GRM1: variants seen among roughly 807,000 people sequenced by gnomAD.
GRM1 encodes the protein glutamate metabotropic receptor 1.
GRM1 carries 33 observed loss-of-function variants against 90.9 expected under a neutral mutation model. That is an observed-to-expected ratio of 0.36 (90% confidence interval 0.28 to 0.49). GRM1 has a LOEUF of 0.49. GRM1 is among the 20% of genes least tolerant of loss of function. The pLI, the probability that GRM1 is intolerant of heterozygous loss-of-function variation, is 0.99. For synonymous variants in GRM1, 700 were observed against 613.2 expected, an observed-to-expected ratio of 1.14 and a Z score of -2.09; for missense variants, 1,190 against 1,534.3, an observed-to-expected ratio of 0.78 and a Z score of 3.75.
chr6:146,094,386 TGGAACTGA>T (rs1481796622), intron 1 of GRM1, among the ~76,000 whole-genome samples: 1 of 152,108 alleles, frequency 6.6e-6, no homozygotes, highest in Non-Finnish European at 1.5e-5. Context: ...TACATTAACA[TGGAACTGA>T]GGCCTTACAA....
At chr6:146,213,685 T>C (rs1163691608) in intron 2 of GRM1, among the ~76,000 whole-genome samples, 3 of 74,938 alleles carry the variant, frequency 4.0e-5, no homozygotes, top group Non-Finnish European at 8.0e-5. Context: ...ATGGAAAGAT[T>C]AGATAGATAG....
At chr6:146,231,980 G>A (rs1780466060) in intron 2 of GRM1, among the ~76,000 whole-genome samples, 1 of 152,080 alleles carries the variant, frequency 6.6e-6, no homozygotes, top group Admixed American at 6.6e-5. Flanking sequence ...GAAAGTTAGT[G>A]TAGAATTGGT....
At chr6:146,208,014 A>G (rs1292728832) in intron 2 of GRM1, among the ~76,000 whole-genome samples, 1 of 152,082 alleles carries the variant, frequency 6.6e-6, no homozygotes, top group African/African-American at 2.4e-5. Flanking sequence ...TCTCTCTTTC[A>G]TACACAACAA....
chr6:146,131,456 C>A (rs933464079), intron 1 of GRM1, among the ~76,000 whole-genome samples: 3 of 151,150 alleles, frequency 2.0e-5, no homozygotes, highest in African/African-American at 7.3e-5. Context: ...ATAAAATAAT[C>A]TCTAAGTCTC....
chr6:146,334,997 T>C (rs1784719447), intron 3 of GRM1, among the ~76,000 whole-genome samples: 1 of 152,154 alleles, frequency 6.6e-6, no homozygotes, highest in Admixed American at 6.6e-5. Context: ...CAAAATTTAA[T>C]GAGAAAAAAT....
At chr6:146,344,855 A>T (rs1785116233) in intron 3 of GRM1, among the ~76,000 whole-genome samples, 1 of 151,744 alleles carries the variant, frequency 6.6e-6, no homozygotes. Flanking sequence ...CTTGTTGCCC[A>T]GGCTGGAGTG....
chr6:146,366,074 A>AGTAGCGTGTCATTTATTTTCC (rs1775675224), intron 5 of GRM1, among the ~76,000 whole-genome samples: 1 of 152,122 alleles, frequency 6.6e-6, no homozygotes, highest in Non-Finnish European at 1.5e-5. Flanking sequence ...TGTTTTGTTC[A>AGTAGCGTGTCATTTATTTTCC]CTGATTATTT....
intron 1 of GRM1, among the ~76,000 whole-genome samples, chr6:146,074,125 A>G (rs2128859904): frequency 6.6e-6 from 1 of 152,202 alleles, no homozygotes; most frequent in South Asian, 2.1e-4. Flanking sequence ...TGCTTAACAT[A>G]GGAGGTCATT....
chr6:146,393,295 C>CT (rs1301602902), intron 6 of GRM1, among the ~76,000 whole-genome samples: 1 of 152,070 alleles, frequency 6.6e-6, no homozygotes, highest in Admixed American at 6.6e-5. Context: ...TGATGATGAG[C>CT]TTTTTTTCAT....
At chr6:146,038,467 A>T (rs1790972530) in intron 1 of GRM1, among the ~76,000 whole-genome samples, 1 of 152,026 alleles carries the variant, frequency 6.6e-6, no homozygotes, top group Non-Finnish European at 1.5e-5. Flanking sequence ...GGCTAGGTAG[A>T]TGTAATAGAT....
chr6:146,089,795 T>C (rs1776657271), intron 1 of GRM1, among the ~76,000 whole-genome samples: 1 of 152,012 alleles, frequency 6.6e-6, no homozygotes, highest in South Asian at 2.1e-4. Context: ...CTAATAGAGG[T>C]TTATAAATCC....
Position 146,433,874 on chromosome 6 carries a change from C to A in GRM1, c.2663C>A (p.Ser888Tyr). ...ATCCATCTCTATTTTATTCATAGTT[C>A]TAATGGCAAGTCTGTGTCATGGTCT... is the stretch of plus-strand genomic sequence containing the variant. ...RKKAGAGNAN[S>Y]NGKSVSWSEP... The change falls in exon 8 of 8, where the codon TCT becomes TAT. Residue 888 changes from serine (S) to tyrosine (Y), a missense_variant and splice_region_variant. Ser to Tyr is a moderately radical substitution (Grantham distance 144). Around this residue, in one of 10 missense-constraint regions of GRM1, gnomAD observed 400 missense variants for 360.8 expected, o/e 1.11. Coordinates refer to ENST00000282753, the MANE Select transcript of GRM1 (RefSeq NM_001278064.2). The A allele has an allele frequency of 6.2e-7, 1 of 1,603,718 alleles. No individual in the cohort carries two copies. Among genetic ancestry groups the A allele is most frequent in the South Asian group, 1.1e-5 (1 of 90,838 alleles).
chr6:146,175,946 C>T (rs1004747041), intron 2 of GRM1, among the ~76,000 whole-genome samples: 1 of 151,946 alleles, frequency 6.6e-6, no homozygotes, highest in African/African-American at 2.4e-5. Flanking sequence ...AACCTCTAAC[C>T]CTCTTTCCTC....
intron 3 of GRM1, among the ~76,000 whole-genome samples, chr6:146,329,195 A>G (rs773467139): frequency 4.6e-5 from 7 of 152,222 alleles, no homozygotes; most frequent in Non-Finnish European, 8.8e-5. Flanking sequence ...AAGCACAATG[A>G]AAAGGTGAGT....
chr6:146,156,862 G>A (rs998981899), intron 1 of GRM1, among the ~76,000 whole-genome samples: 10 of 152,168 alleles, frequency 6.6e-5, no homozygotes, highest in Non-Finnish European at 1.2e-4. Flanking sequence ...CTCAAATTTT[G>A]TTATTGCACA....
chr6:146,103,989 C>A (rs1448572656), intron 1 of GRM1, among the ~76,000 whole-genome samples: 6 of 152,140 alleles, frequency 3.9e-5, no homozygotes, highest in African/African-American at 1.2e-4. Context: ...GATCTGAATT[C>A]TCTTTCCTAG....
In GRM1 at chr6:146,173,418, AAAAG is replaced by A. The variant is rs1350437367; in HGVS notation, c.950+13825_950+13828del. On this transcript the variant is annotated intron_variant, in intron 2 of 7. Transcript: ENST00000282753. Reference sequence around the variant, plus strand: ...AAAAAAAGAAAAGAAAAGAAAAAAAAAAAGAAAAAGAAAAAGAAAGAAAGAAAGA... The same window carrying A: ...AAAAAAAGAAAAGAAAAGAAAAAAAAAAAAAGAAAAAGAAAGAAAGAAAGA... Among the ~76,000 whole-genome samples the A allele has an allele frequency of 2.0e-5, 3 of 151,322 alleles. No individual in the cohort carries two copies. The East Asian group carries it at 5.8e-4, about 29-fold the overall frequency.
chr6:146,288,627 T>A (rs1782853686), intron 2 of GRM1, among the ~76,000 whole-genome samples: 1 of 151,450 alleles, frequency 6.6e-6, no homozygotes, highest in Non-Finnish European at 1.5e-5. Context: ...TGCCTCAGCC[T>A]CCTGAGTAGC....
intron 5 of GRM1, among the ~76,000 whole-genome samples, chr6:146,383,273 A>C (rs1391258670): frequency 1.3e-5 from 2 of 152,178 alleles, no homozygotes; most frequent in Non-Finnish European, 2.9e-5. Context: ...AGTTATTTGC[A>C]GAATCTACTT....
Sources: gnomAD v4.1 joint callset for allele counts (sites outside exome capture counted in the v4.1 genomes callset) on GRCh38, gnomAD v4.1.1 for gene constraint, gnomAD v4.1.1 regional missense constraint, MANE v1.5 for transcripts, NCBI Gene and HGNC (gene_info 2026-07-23, HGNC 2026-07-21) for gene names.